COL24A1: variants seen among roughly 807,000 people sequenced by gnomAD.
The protein encoded by COL24A1 is collagen type XXIV alpha 1 chain.
COL24A1 carries 224 observed loss-of-function variants against 253.9 expected under a neutral mutation model. The observed-to-expected ratio is 0.88, with a 90% confidence interval of 0.79 to 0.99. COL24A1 has a LOEUF of 0.99. Ranked by LOEUF, COL24A1 falls within the 50% of genes least tolerant of loss-of-function variation. The pLI is 0.00. For synonymous variants in COL24A1, 685 were observed against 673.7 expected (o/e 1.02, Z -0.26); for missense variants, 2,131 against 2,068.5 (o/e 1.03, Z -0.59).
At position 85,849,351 on chromosome 1, in the gene COL24A1, AC is replaced by A; in HGVS notation, c.3354+1del. 2 of 1,611,974 alleles carry A rather than the reference AC, an allele frequency of 1.2e-6. No individual in the cohort carries two copies. The highest frequency in any genetic ancestry group is 8.5e-7 in the Non-Finnish European group (1 of 1,178,420). On this transcript the variant is annotated splice_donor_variant, in intron 38 of 59. Coordinates refer to ENST00000370571, the MANE Select transcript of COL24A1 (RefSeq NM_152890.7). LOFTEE classifies it high-confidence loss of function. Reference sequence around the variant, plus strand: ...CCTGCATAAGAAGATGTAAAAAATTACCTTTTTTCCTGGACGACCTCTTTGC... The same window carrying A: ...CCTGCATAAGAAGATGTAAAAAATTACTTTTTTCCTGGACGACCTCTTTGC...
chr1:85,801,987 A>G (rs1359324661), intron 47 of COL24A1, among the ~76,000 whole-genome samples: 1 of 152,154 alleles, frequency 6.6e-6, no homozygotes, highest in African/African-American at 2.4e-5. Context: ...ATCAAGTCCT[A>G]CTAAAGCCAC....
chr1:86,020,697 A>G (rs1004977472), intron 18 of COL24A1, among the ~76,000 whole-genome samples: 1 of 152,326 alleles, frequency 6.6e-6, no homozygotes, highest in South Asian at 2.1e-4. Flanking sequence ...GTCAAGCGCT[A>G]GAAAAATGTC....
intron 20 of COL24A1, among the ~76,000 whole-genome samples, chr1:85,981,559 A>T (rs1029977534): frequency 3.3e-5 from 5 of 152,084 alleles, no homozygotes; most frequent in Admixed American, 6.6e-5. Flanking sequence ...ATAACACTGG[A>T]AAAAAATCTT....
chr1:85,863,142 C>T (rs1298719722), intron 37 of COL24A1, among the ~76,000 whole-genome samples: 1 of 152,292 alleles, frequency 6.6e-6, no homozygotes, highest in African/African-American at 2.4e-5. Context: ...CATAAGAATG[C>T]TTGTGATTTT....
chr1:85,821,731 T>G (rs1673642823), intron 45 of COL24A1, among the ~76,000 whole-genome samples: 1 of 152,178 alleles, frequency 6.6e-6, no homozygotes, highest in Non-Finnish European at 1.5e-5. Context: ...TATGGCTTCT[T>G]AGCACCTTTT....
chr1:85,757,015 G>C (rs1222624926), intron 55 of COL24A1, among the ~76,000 whole-genome samples: 2 of 152,184 alleles, frequency 1.3e-5, no homozygotes, highest in African/African-American at 2.4e-5. Flanking sequence ...CGAATTCATA[G>C]AGACAGAAAG....
intron 48 of COL24A1, among the ~76,000 whole-genome samples, 169 bp downstream of exon 48, chr1:85,786,183 GGA>G (rs1669663797): frequency 2.0e-5 from 3 of 152,140 alleles, no homozygotes; most frequent in Admixed American, 2.0e-4. Context: ...GGCTATCATG[GGA>G]GATGGATATG....
At chr1:86,128,837 A>G (rs1648718397) in intron 2 of COL24A1, among the ~76,000 whole-genome samples, 1 of 151,936 alleles carries the variant, frequency 6.6e-6, no homozygotes, top group Non-Finnish European at 1.5e-5. Flanking sequence ...TATTAGTTTT[A>G]CGTTATTCTT....
intron 8 of COL24A1, among the ~76,000 whole-genome samples, chr1:86,060,580 T>C (rs1304826933): frequency 6.6e-6 from 1 of 152,108 alleles, no homozygotes; most frequent in Non-Finnish European, 1.5e-5. Context: ...TCAGAATTCA[T>C]CTCTCACTTT....
intron 20 of COL24A1, among the ~76,000 whole-genome samples, chr1:85,985,860 G>T (rs1448913198): frequency 6.6e-6 from 1 of 151,886 alleles, no homozygotes; most frequent in Non-Finnish European, 1.5e-5. Context: ...GTATAAGTTT[G>T]TAGGTGGCAG....
At chr1:85,973,995 T>A (rs890418051) in intron 20 of COL24A1, among the ~76,000 whole-genome samples, 1 of 152,106 alleles carries the variant, frequency 6.6e-6, no homozygotes, top group African/African-American at 2.4e-5. Flanking sequence ...TTTAAGTGTG[T>A]AACTAAATAG....
chr1:86,096,082 T>C (rs1703872402), intron 5 of COL24A1, among the ~76,000 whole-genome samples: 1 of 152,146 alleles, frequency 6.6e-6, no homozygotes, highest in Non-Finnish European at 1.5e-5. Context: ...TTCTTCTCTG[T>C]AAACTCGTAT....
chr1:85,975,057 C>A (rs919020558), intron 20 of COL24A1, among the ~76,000 whole-genome samples: 5 of 151,890 alleles, frequency 3.3e-5, no homozygotes, highest in African/African-American at 1.2e-4. Flanking sequence ...CAGGGAAATG[C>A]AAATCAAAAC....
intron 19 of COL24A1, among the ~76,000 whole-genome samples, chr1:85,998,414 C>T (rs1695069362): frequency 6.6e-6 from 1 of 152,212 alleles, no homozygotes; most frequent in East Asian, 1.9e-4. Flanking sequence ...TATATCCATA[C>T]ACAACTCTGT....
chr1:85,799,475 C>G (rs1311245863), intron 47 of COL24A1, among the ~76,000 whole-genome samples: 2 of 149,390 alleles, frequency 1.3e-5, no homozygotes, highest in Non-Finnish European at 3.0e-5. Context: ...TAGAAATGGT[C>G]TTATTTCCTC....
intron 7 of COL24A1, among the ~76,000 whole-genome samples, chr1:86,065,092 C>T (rs1273066311): frequency 1.3e-5 from 2 of 152,126 alleles, no homozygotes; most frequent in African/African-American, 4.8e-5. Context: ...GAGGCAGCAG[C>T]TCTAGGAGGG....
intron 5 of COL24A1, among the ~76,000 whole-genome samples, chr1:86,101,082 T>A (rs1704410103): frequency 6.6e-6 from 1 of 151,948 alleles, no homozygotes; most frequent in African/African-American, 2.4e-5. Flanking sequence ...GCATCTGAAG[T>A]GTGGGAAGTC....
At chr1:85,989,797 T>C (rs1694073046) in intron 19 of COL24A1, among the ~76,000 whole-genome samples, 1 of 152,194 alleles carries the variant, frequency 6.6e-6, no homozygotes, top group African/African-American at 2.4e-5. Context: ...TTGAATAATG[T>C]TCCCTTAAGT....
intron 24 of COL24A1, among the ~76,000 whole-genome samples, chr1:85,915,392 A>T (rs978060044): frequency 1.3e-5 from 2 of 152,142 alleles, no homozygotes; most frequent in African/African-American, 4.8e-5. Context: ...GACTGGAACT[A>T]TACTGGATTT....
Sources: allele counts gnomAD v4.1 joint callset (sites outside exome capture counted in the v4.1 genomes callset), GRCh38; gene constraint gnomAD v4.1.1; transcripts MANE v1.5; gene names NCBI Gene and HGNC (gene_info 2026-07-23, HGNC 2026-07-21).